PCDHGB6: variants seen among roughly 807,000 people sequenced by gnomAD.
PCDHGB6 encodes protocadherin gamma-B6.
Under a neutral mutation model 59.1 loss-of-function variants are expected in PCDHGB6, and 51 were observed. The observed-to-expected ratio is 0.86, with a 90% CI of 0.69 to 1.09. The LOEUF (loss-of-function observed/expected upper bound fraction) is 1.09, where lower values mean the gene tolerates loss of function less well. Among genes scored for constraint, PCDHGB6 ranks in the 50% least tolerant of loss-of-function variants. The probability of loss-of-function intolerance (pLI) is 0.00; values close to 1 mark genes in which losing one functional copy is unlikely to be tolerated. For synonymous variants in PCDHGB6, 466 were observed against 495.1 expected (o/e 0.94, Z 0.78); for missense variants, 1,148 against 1,205.1 (o/e 0.95, Z 0.70).
intron 1 of PCDHGB6, among the ~76,000 whole-genome samples, chr5:141,474,114 C>T (rs940809934): frequency 2.6e-5 from 4 of 152,224 alleles, no homozygotes; most frequent in South Asian, 2.1e-4. Context: ...ACAACAACAA[C>T]GAAAATCTCA....
chr5:141,489,999 G>C lies in PCDHGB6; in HGVS notation c.2419-4808G>C, dbSNP rs772783990. Reference sequence around the variant, plus strand: ...CAGTTCTACGTGTGGGAATCCCAGAGAATGCACCCATTGGTACTCTGCTGC... The same window carrying C: ...CAGTTCTACGTGTGGGAATCCCAGACAATGCACCCATTGGTACTCTGCTGC... On this transcript the variant is annotated intron_variant, in intron 1 of 3. Coordinates refer to ENST00000520790, the MANE Select transcript of PCDHGB6 (RefSeq NM_018926.3). This position sits in a 1 kb window ranked among gnomAD's most constrained non-coding sequence, Gnocchi z 4.5. 6.2e-7 allele frequency: 1 copy of C among 1,614,242 alleles called. No individual in the cohort carries two copies. Among genetic ancestry groups the C allele is most frequent in the East Asian group, 2.2e-5 (1 of 44,886 alleles).
At chr5:141,474,461 CTT>C (rs1264129273) in intron 1 of PCDHGB6, among the ~76,000 whole-genome samples, 1 of 152,214 alleles carries the variant, frequency 6.6e-6, no homozygotes, top group East Asian at 1.9e-4. Context: ...GGGCTATACT[CTT>C]TATTCTAAAT....
intron 1 of PCDHGB6, among the ~76,000 whole-genome samples, chr5:141,425,482 C>T (rs1257043728): frequency 6.6e-6 from 1 of 152,192 alleles, no homozygotes; most frequent in Non-Finnish European, 1.5e-5. Context: ...CCTATGGCAA[C>T]CTACTAGGCT....
At chr5:141,472,729 T>G (rs2099294506) in intron 1 of PCDHGB6, among the ~76,000 whole-genome samples, 1 of 152,004 alleles carries the variant, frequency 6.6e-6, no homozygotes. Context: ...CTCACACCTG[T>G]AATCCCAGCA....
Position 141,510,946 on chromosome 5 carries a change from GA to G in PCDHGB6, c.2568del (p.Ala857LeufsTer17). The G allele has an allele frequency of 6.2e-7, 1 of 1,614,128 alleles. No homozygotes were observed. ...LQAMILASAS[E>X]AADGSSTLGG... ...CACCTGATCTTCCTCTGTCTCTGCA[GA>G]AGCTGCTGATGGGAGCTCCACCCTG... On this transcript the variant is annotated frameshift_variant and splice_region_variant, in exon 4 of 4. Coordinates refer to ENST00000520790, the MANE Select transcript of PCDHGB6 (RefSeq NM_018926.3). LOFTEE classifies it high-confidence loss of function.
chr5:141,486,730 T>G lies in PCDHGB6; in HGVS notation c.2419-8077T>G, dbSNP rs775081505. On this transcript the variant is annotated intron_variant, in intron 1 of 3. Coordinates refer to ENST00000520790, the MANE Select transcript of PCDHGB6 (RefSeq NM_018926.3). This position sits in a 1 kb window ranked among gnomAD's most constrained non-coding sequence, Gnocchi z 5.0. ...ACCCCCAGACAGGAGCTGTTCATGC[T>G]ACTCGATCCTTTGACTATGAGCAAA... is the stretch of plus-strand genomic sequence containing the variant. 6.2e-7 allele frequency: 1 copy of G among 1,614,238 alleles called. No individual in the cohort carries two copies. The highest frequency in any genetic ancestry group is 8.5e-7 in the Non-Finnish European group (1 of 1,180,042).
Position 141,487,203 on chromosome 5 carries a change from G to A in PCDHGB6, c.2419-7604G>A, listed in dbSNP as rs765707343. 6.8e-6 allele frequency: 11 copies of A among 1,613,804 alleles called. No homozygotes were observed. The highest frequency in any genetic ancestry group is 5.3e-5 in the African/African-American group (4 of 74,890). The stretch of plus-strand genomic sequence containing the variant: ...ACTCATCCAGTTGTCCCAGATCTTC[G>A]AGAATCTTCAGCTCCAAGGGAAGGA... On this transcript the variant is annotated intron_variant, in intron 1 of 3. Transcript: ENST00000520790. This position sits in a 1 kb window ranked among gnomAD's most constrained non-coding sequence, Gnocchi z 5.0.
At chr5:141,433,828 ACT>A (rs1431945413) in intron 1 of PCDHGB6, among the ~76,000 whole-genome samples, 2 of 142,254 alleles carry the variant, frequency 1.4e-5, no homozygotes, top group Admixed American at 7.0e-5. Flanking sequence ...CAAGAGTGAA[ACT>A]CTATCTCAAA....
intron 1 of PCDHGB6, among the ~76,000 whole-genome samples, chr5:141,471,046 CT>C (rs1170588345): frequency 0.24 from 27,253 of 113,216 alleles, 2,739 homozygotes; most frequent in African/African-American, 0.39. Context: ...CCCAAGCCCT[CT>C]TTTTTTTTTT....
In PCDHGB6 at chr5:141,410,447, C is replaced by A; in HGVS notation, c.2245C>A (p.Pro749Thr). The change falls in exon 1 of 4, where the codon CCT (proline) becomes ACT (threonine). Residue 749 changes from proline to threonine, a missense_variant. By Grantham distance (38) the Pro-to-Thr change is conservative (BLOSUM62 -1). Coordinates refer to ENST00000520790, the MANE Select transcript of PCDHGB6 (RefSeq NM_018926.3). ...VPPNYSEGTL[P>T]YSYNLCIAHT... ...CCCCAACTACAGTGAGGGGACTTTG[C>A]CTTATTCTTATAATCTGTGCATTGC... 6.2e-7 allele frequency: 1 copy of A among 1,613,984 alleles called. No homozygotes were observed. Among genetic ancestry groups the A allele is most frequent in the Non-Finnish European group, 8.5e-7 (1 of 1,179,890 alleles).
At chr5:141,446,604 G>C (rs1226194089) in intron 1 of PCDHGB6, among the ~76,000 whole-genome samples, 1 of 152,134 alleles carries the variant, frequency 6.6e-6, no homozygotes, top group Non-Finnish European at 1.5e-5. Flanking sequence ...AGCCTCCTGA[G>C]TAGCTGGGAC....
chr5:141,432,960 G>C lies in PCDHGB6; in HGVS notation c.2418+22340G>C. ...CAGGCTTCAGGAGGCGGCTTGACAG[G>C]AGCGCCGGCGTCGCACTTTGTGGGC... On this transcript the variant is annotated intron_variant, in intron 1 of 3. Transcript: ENST00000520790. This position sits in a 1 kb window ranked among gnomAD's most constrained non-coding sequence, Gnocchi z 6.0. The C allele has an allele frequency of 2.5e-6, 4 of 1,614,188 alleles. No homozygotes were observed. The highest frequency in any genetic ancestry group is 3.4e-6 in the Non-Finnish European group (4 of 1,180,034).
Position 141,485,113 on chromosome 5 carries a change from T to G in PCDHGB6, c.2419-9694T>G. On this transcript the variant is annotated intron_variant, in intron 1 of 3. Transcript: ENST00000520790. This position sits in a 1 kb window ranked among gnomAD's most constrained non-coding sequence, Gnocchi z 5.7. ...AGGTGTCTCCAGCTGCTGTGGCTGTTTGGGGCGGGTCGGCTTCATCCGCGT... is the reference window on the plus strand; with the variant it reads ...AGGTGTCTCCAGCTGCTGTGGCTGTGTGGGGCGGGTCGGCTTCATCCGCGT... 1 of 1,286,014 alleles carries G rather than the reference T, an allele frequency of 7.8e-7. No individual in the cohort carries two copies. Among genetic ancestry groups the G allele is most frequent in the Non-Finnish European group, 1.1e-6 (1 of 898,642 alleles). 79.7% of individuals were successfully genotyped at this position (1,286,014 alleles called of 1,614,324 possible). A position where few individuals can be genotyped will look rare whatever the true frequency, so the allele number is the denominator to read the frequency against.
At chr5:141,430,808 G>A in intron 1 of PCDHGB6, 1 of 1,526,682 alleles carries the variant, frequency 6.6e-7, no homozygotes, top group East Asian at 2.3e-5. Flanking sequence ...TGTCCTGCTG[G>A]GAATCCTCCT....
At chr5:141,483,009 C>G (rs538900128) in intron 1 of PCDHGB6, among the ~76,000 whole-genome samples, 1 of 152,060 alleles carries the variant, frequency 6.6e-6, no homozygotes, top group South Asian at 2.1e-4. Context: ...TGCTTGAACC[C>G]GGGAGGCAGA....
chr5:141,456,746 T>C (rs548254725), intron 1 of PCDHGB6, among the ~76,000 whole-genome samples: 51 of 151,874 alleles, frequency 3.4e-4, no homozygotes, highest in African/African-American at 1.0e-3. Context: ...GGGAGCATCA[T>C]GAGGTCAGGA....
At chr5:141,435,346 G>A (rs2097758346) in intron 1 of PCDHGB6, among the ~76,000 whole-genome samples, 1 of 152,012 alleles carries the variant, frequency 6.6e-6, no homozygotes, top group South Asian at 2.1e-4. Flanking sequence ...TATTTCTTCT[G>A]CATTTAAAAT....
In PCDHGB6 at chr5:141,421,099, G is replaced by A. The variant is rs941392242; in HGVS notation, c.2418+10479G>A. ...GATACTCACAGATCCTGACACTGGA[G>A]ACTTAGAAGTATTTTCCTTCGCTTT... is the stretch of plus-strand genomic sequence containing the variant. On this transcript the variant is annotated intron_variant, in intron 1 of 3. Coordinates refer to ENST00000520790, the MANE Select transcript of PCDHGB6 (RefSeq NM_018926.3). 1.2e-5 allele frequency: 8 copies of A among 680,384 alleles called. No individual in the cohort carries two copies. In the Admixed American group the frequency reaches 1.2e-4, roughly 11 times the overall value. 42.1% of individuals were successfully genotyped at this position (680,384 alleles called of 1,614,324 possible).
intron 1 of PCDHGB6, among the ~76,000 whole-genome samples, chr5:141,447,275 G>A (rs2098532748): frequency 1.3e-5 from 2 of 152,154 alleles, no homozygotes; most frequent in South Asian, 2.1e-4. Context: ...AAGTAGCTGG[G>A]ACTACAGGCA....
Sources: gnomAD v4.1 joint callset for allele counts (sites outside exome capture counted in the v4.1 genomes callset) on GRCh38, gnomAD v4.1.1 for gene constraint, Gnocchi (gnomAD v3.1) non-coding constraint, MANE v1.5 for transcripts, NCBI Gene and HGNC (gene_info 2026-07-23, HGNC 2026-07-21) for gene names.